CCSER1: variants seen among roughly 807,000 people sequenced by gnomAD.
CCSER1 encodes coiled-coil serine rich protein 1, also known as serine-rich coiled-coil domain-containing protein 1.
CCSER1 carries 41 observed loss-of-function variants against 82.0 expected under a neutral mutation model. The observed-to-expected ratio is 0.50, with a 90% confidence interval of 0.39 to 0.65. CCSER1 has a LOEUF of 0.65. Among genes scored for constraint, CCSER1 ranks in the 30% least tolerant of loss-of-function variants. The pLI, the probability that CCSER1 is intolerant of heterozygous loss-of-function variation, is 0.00. For synonymous variants in CCSER1, 414 were observed against 383.9 expected (o/e 1.08, Z -0.92); for missense variants, 1,119 against 1,064.2 (o/e 1.05, Z -0.72).
Position 90,308,788 on chromosome 4 carries a change from A to T in CCSER1, c.504A>T (p.Gln168His). 1 of 1,613,856 alleles carries T rather than the reference A, an allele frequency of 6.2e-7. No individual in the cohort carries two copies. The highest frequency in any genetic ancestry group is 1.7e-4 in the Middle Eastern group (1 of 6,060). ...ATGATTCTGGTTTCACAGAAGACCAAACTCGTCGTTCTGTTAAGCAGTCAA... is the reference window on the plus strand; with the variant it reads ...ATGATTCTGGTTTCACAGAAGACCATACTCGTCGTTCTGTTAAGCAGTCAA... ...EGDDSGFTED[Q>H]TRRSVKQSTR... Residue 168 changes from glutamine (Q) to histidine (H), a missense_variant, in exon 2 of 11, where the codon CAA (glutamine) becomes CAT (histidine). Physicochemically the swap from Gln to His is conservative, Grantham distance 24. Coordinates refer to ENST00000509176, the MANE Select transcript of CCSER1 (RefSeq NM_001145065.2).
chr4:90,539,458 T>C (rs981068957), intron 5 of CCSER1, among the ~76,000 whole-genome samples: 2 of 152,088 alleles, frequency 1.3e-5, no homozygotes, highest in African/African-American at 4.8e-5. Flanking sequence ...TAAAATACCC[T>C]GTTGTAAGCT....
At chr4:90,429,373 TC>T (rs1383209247) in intron 4 of CCSER1, among the ~76,000 whole-genome samples, 1 of 151,798 alleles carries the variant, frequency 6.6e-6, no homozygotes, top group African/African-American at 2.4e-5. Context: ...CAGAAGATAG[TC>T]ATTTGAATTA....
chr4:91,186,172 G>A (rs532326307), intron 10 of CCSER1, among the ~76,000 whole-genome samples: 6 of 152,216 alleles, frequency 3.9e-5, no homozygotes, highest in Non-Finnish European at 8.8e-5. Flanking sequence ...AGATCTGGAG[G>A]GTCTTTTTCT....
chr4:90,223,604 A>G (rs1023555536), intron 1 of CCSER1, among the ~76,000 whole-genome samples: 4 of 152,230 alleles, frequency 2.6e-5, no homozygotes, highest in Non-Finnish European at 5.9e-5. Flanking sequence ...TAGATTTGGC[A>G]TCAGAATGTC....
chr4:90,589,310 G>T (rs1028635583), intron 5 of CCSER1, among the ~76,000 whole-genome samples: 1 of 151,834 alleles, frequency 6.6e-6, no homozygotes, highest in African/African-American at 2.4e-5. Context: ...TCATCAGAAG[G>T]TGTTTATAAT....
chr4:91,171,142 C>A (rs1156973859), intron 10 of CCSER1, among the ~76,000 whole-genome samples: 2 of 152,138 alleles, frequency 1.3e-5, no homozygotes, highest in Middle Eastern at 3.4e-3. Context: ...ATAACATTAT[C>A]ACATTCAAAA....
At chr4:91,294,775 C>T (rs1744031945) in intron 10 of CCSER1, among the ~76,000 whole-genome samples, 2 of 151,884 alleles carry the variant, frequency 1.3e-5, no homozygotes, top group Admixed American at 1.3e-4. Context: ...ATAATCTCAT[C>T]TTATCTAAAC....
At position 91,602,773 on chromosome 4, in the gene CCSER1, G is replaced by T. The variant is rs543218536; in HGVS notation, c.*3716G>T. Among the ~76,000 whole-genome samples the T allele has an allele frequency of 9.2e-5, 14 of 152,032 alleles. No homozygotes were observed. The highest frequency in any genetic ancestry group is 7.9e-4 in the Admixed American group (12 of 15,244). ...ACATGTGAAGATGATATCTATGATT[G>T]CCATTCATGTTACTGAATCACATGC... is the stretch of plus-strand genomic sequence containing the variant. On this transcript the variant is annotated 3_prime_UTR_variant, in exon 11 of 11. Transcript: ENST00000509176.
chr4:91,305,957 A>G (rs1325095543), intron 10 of CCSER1, among the ~76,000 whole-genome samples: 1 of 151,696 alleles, frequency 6.6e-6, no homozygotes, highest in Non-Finnish European at 1.5e-5. Context: ...TGATTCAGTT[A>G]TCTCCCACCA....
chr4:90,245,730 A>G (rs1721301348), intron 1 of CCSER1, among the ~76,000 whole-genome samples: 1 of 152,130 alleles, frequency 6.6e-6, no homozygotes, highest in African/African-American at 2.4e-5. Flanking sequence ...GACCAACTTC[A>G]TATACTCTCT....
At chr4:91,015,846 G>A (rs1428678042) in intron 9 of CCSER1, among the ~76,000 whole-genome samples, 1 of 151,930 alleles carries the variant, frequency 6.6e-6, no homozygotes, top group African/African-American at 2.4e-5. Flanking sequence ...TTGTTTTCCA[G>A]CTATTGAAAT....
At chr4:90,872,367 G>GT (rs1200711544) in intron 8 of CCSER1, among the ~76,000 whole-genome samples, 1 of 151,592 alleles carries the variant, frequency 6.6e-6, no homozygotes, top group African/African-American at 2.4e-5. Flanking sequence ...ATCGATTGCA[G>GT]TTTTTTGCAT....
chr4:91,165,855 G>C (rs1452334285), intron 10 of CCSER1, among the ~76,000 whole-genome samples: 1 of 152,206 alleles, frequency 6.6e-6, no homozygotes, highest in Non-Finnish European at 1.5e-5. Flanking sequence ...CCTTGGCTCG[G>C]AAAGGGAAAT....
At chr4:90,196,895 G>C (rs554579717) in intron 1 of CCSER1, among the ~76,000 whole-genome samples, 22 of 152,118 alleles carry the variant, frequency 1.4e-4, no homozygotes, top group African/African-American at 5.3e-4. Flanking sequence ...CATACATCAA[G>C]CCATCAGTTT....
At chr4:91,037,032 G>A (rs1026682868) in intron 9 of CCSER1, among the ~76,000 whole-genome samples, 3 of 152,132 alleles carry the variant, frequency 2.0e-5, no homozygotes, top group African/African-American at 4.8e-5. Context: ...ACTGGAGATC[G>A]TGTCACTGCA....
At chr4:91,145,494 G>A (rs559474554) in intron 10 of CCSER1, among the ~76,000 whole-genome samples, 11 of 152,064 alleles carry the variant, frequency 7.2e-5, no homozygotes, top group Non-Finnish European at 1.2e-4. Flanking sequence ...TCCTGCTGTC[G>A]TGTTGTTAGC....
intron 9 of CCSER1, among the ~76,000 whole-genome samples, chr4:91,026,914 G>A (rs974303158): frequency 1.3e-5 from 2 of 151,832 alleles, no homozygotes; most frequent in African/African-American, 4.8e-5. Context: ...CTCCAGGCTT[G>A]GCATGAAGCC....
chr4:90,516,654 A>G (rs1250970157), intron 5 of CCSER1, among the ~76,000 whole-genome samples: 1 of 152,216 alleles, frequency 6.6e-6, no homozygotes, highest in Admixed American at 6.5e-5. Context: ...ACAAAGGGAA[A>G]GGGTATGAGA....
chr4:91,592,330 A>T (rs926816090), intron 10 of CCSER1, among the ~76,000 whole-genome samples: 2 of 152,188 alleles, frequency 1.3e-5, no homozygotes, highest in African/African-American at 4.8e-5. Flanking sequence ...GGTAACTGCC[A>T]GAGTCTCTCC....
Sources: allele counts gnomAD v4.1 joint callset (sites outside exome capture counted in the v4.1 genomes callset), GRCh38; gene constraint gnomAD v4.1.1; transcripts MANE v1.5; gene names NCBI Gene and HGNC (gene_info 2026-07-23, HGNC 2026-07-21).